The following PHF24 variants were observed in gnomAD, a reference collection of about 807,000 sequenced individuals.
PHF24 encodes PHD finger protein 24.
A neutral mutation model predicts 42.6 loss-of-function variants in PHF24; 25 were observed. That is an observed-to-expected ratio of 0.59 (90% CI 0.43 to 0.82). The LOEUF is 0.82. Ranked by LOEUF, PHF24 falls within the 40% of genes least tolerant of loss-of-function variation. The pLI, the probability that PHF24 is intolerant of heterozygous loss-of-function variation, is 0.00. For missense variants in PHF24, 470 were observed against 538.1 expected (o/e 0.87, Z 1.25); for synonymous variants, 185 against 204.8 (o/e 0.90, Z 0.83).
chr9:34,808,678 T>C, the PHF24 span, among the ~76,000 whole-genome samples: 2 of 151,536 alleles, frequency 1.3e-5, no homozygotes, highest in African/African-American at 2.4e-5. Flanking sequence ...TCTTCCAGAG[T>C]TGGGGAATGC....
chr9:34,722,630 C>T, the PHF24 span, among the ~76,000 whole-genome samples: 1 of 152,112 alleles, frequency 6.6e-6, no homozygotes. Context: ...TTGTTGAAAA[C>T]AAGATGCTTC....
chr9:34,869,155 T>G, the PHF24 span, among the ~76,000 whole-genome samples: 15 of 152,366 alleles, frequency 9.8e-5, no homozygotes, highest in African/African-American at 3.6e-4. Context: ...AGTCTACCAT[T>G]GATGGGCATT....
At chr9:34,835,582 G>T in the PHF24 span, 3 of 1,551,790 alleles carry the variant, frequency 1.9e-6, no homozygotes, top group South Asian at 3.6e-5. Context: ...GGCTGGGGTT[G>T]CTCTGCTCAT....
the PHF24 span, among the ~76,000 whole-genome samples, chr9:34,871,326 AC>A: frequency 6.6e-6 from 1 of 152,146 alleles, no homozygotes; most frequent in Non-Finnish European, 1.5e-5. Flanking sequence ...TGCTTTGTAT[AC>A]TTTGGATAGC....
chr9:34,709,094 G>A, the PHF24 span: 1 of 501,916 alleles, frequency 2.0e-6, no homozygotes, highest in Non-Finnish European at 3.5e-6. Flanking sequence ...AGCCGTATCA[G>A]GTCCAGGGTC....
chr9:34,705,326 T>A, the PHF24 span, among the ~76,000 whole-genome samples: 1 of 152,250 alleles, frequency 6.6e-6, no homozygotes, highest in African/African-American at 2.4e-5. Flanking sequence ...AAAATTAATT[T>A]ATTTACTTTG....
the PHF24 span, among the ~76,000 whole-genome samples, chr9:34,675,863 G>A: frequency 1.3e-5 from 2 of 152,102 alleles, no homozygotes; most frequent in Admixed American, 6.6e-5. Flanking sequence ...AAGTAGGGAG[G>A]GGAGGCTGCC....
the PHF24 span, chr9:34,835,781 G>A: frequency 4.1e-5 from 63 of 1,550,030 alleles, no homozygotes; most frequent in Non-Finnish European, 5.1e-5. Flanking sequence ...TCTGTTAATT[G>A]TGACAGTGTT....
At chr9:34,776,288 A>G in the PHF24 span, among the ~76,000 whole-genome samples, 3 of 152,230 alleles carry the variant, frequency 2.0e-5, no homozygotes, top group Non-Finnish European at 4.4e-5. Flanking sequence ...CCAAGATTAC[A>G]TGCCACTGTT....
chr9:34,754,845 T>A, the PHF24 span, among the ~76,000 whole-genome samples: 1 of 152,200 alleles, frequency 6.6e-6, no homozygotes, highest in Non-Finnish European at 1.5e-5. Flanking sequence ...ATATGGTACA[T>A]ACACACAACA....
At chr9:34,735,479 A>G in the PHF24 span, among the ~76,000 whole-genome samples, 211 of 151,878 alleles carry the variant, frequency 1.4e-3, 1 homozygote, top group African/African-American at 4.7e-3. Context: ...GGCATATGAA[A>G]AAGCAAGAGA....
chr9:34,940,622 A>G, the PHF24 span, among the ~76,000 whole-genome samples: 1 of 152,186 alleles, frequency 6.6e-6, no homozygotes, highest in African/African-American at 2.4e-5. Flanking sequence ...TTTGTTATCT[A>G]TAACCTTGGC....
At chr9:34,835,683 C>T in the PHF24 span, 42 of 1,551,020 alleles carry the variant, frequency 2.7e-5, no homozygotes, top group East Asian at 5.1e-4. Context: ...CTTGAAATTC[C>T]GGCCCTAGCT....
chr9:34,961,198 C>G (rs1372175916), intron 1 of PHF24, among the ~76,000 whole-genome samples: 1 of 152,170 alleles, frequency 6.6e-6, no homozygotes. Context: ...ATCTTTTAGT[C>G]CCACACGCTT....
chr9:34,858,938 G>C, the PHF24 span, among the ~76,000 whole-genome samples: 3 of 152,278 alleles, frequency 2.0e-5, no homozygotes, highest in Non-Finnish European at 2.9e-5. Flanking sequence ...TCTGCAGACT[G>C]ACTCTTTGTC....
chr9:34,922,981 T>TG, the PHF24 span: 2 of 1,026,650 alleles, frequency 1.9e-6, no homozygotes, highest in Non-Finnish European at 2.7e-6. Context: ...CCAGTCTACC[T>TG]GGGGGGTGCT....
chr9:34,879,716 A>G, the PHF24 span, among the ~76,000 whole-genome samples: 10 of 152,236 alleles, frequency 6.6e-5, no homozygotes, highest in African/African-American at 1.7e-4. Context: ...GACCAAATCT[A>G]TGTCTGACTG....
chr9:34,854,232 A>G, the PHF24 span, among the ~76,000 whole-genome samples: 2 of 123,724 alleles, frequency 1.6e-5, no homozygotes, highest in African/African-American at 5.9e-5. Context: ...CAGCTTCCAG[A>G]TTCGTTGCTT....
the PHF24 span, among the ~76,000 whole-genome samples, chr9:34,945,612 G>A: frequency 7.9e-5 from 12 of 152,098 alleles, no homozygotes; most frequent in East Asian, 1.2e-3. Flanking sequence ...CTGTTGTCTC[G>A]GGAGTGGATT....
Sources: allele counts gnomAD v4.1 joint callset (sites outside exome capture counted in the v4.1 genomes callset), GRCh38; gene constraint gnomAD v4.1.1; transcripts MANE v1.5; gene names NCBI Gene and HGNC (gene_info 2026-07-23, HGNC 2026-07-21).